The following KCNB2 variants were observed in gnomAD, a reference collection of about 807,000 sequenced individuals.
KCNB2 encodes potassium voltage-gated channel subfamily B member 2, also known as delayed rectifier potassium channel protein.
Under a neutral mutation model 61.5 loss-of-function variants are expected in KCNB2, and 15 were observed. That is an observed-to-expected ratio of 0.24 (90% CI 0.16 to 0.38). KCNB2 has a LOEUF of 0.38. KCNB2 is among the 10% of genes least tolerant of loss of function. The pLI is 1.00. For synonymous variants in KCNB2, 457 were observed against 446.0 expected (o/e 1.02, Z -0.31); for missense variants, 828 against 1,125.2 (o/e 0.74, Z 3.78).
chr8:72,884,578 A>G (rs1344584090), intron 2 of KCNB2, among the ~76,000 whole-genome samples: 1 of 152,178 alleles, frequency 6.6e-6, no homozygotes, highest in African/African-American at 2.4e-5. Context: ...AAAAGTTTTC[A>G]AATTTCACTT....
chr8:72,573,925 T>C (rs1806756663), intron 2 of KCNB2, among the ~76,000 whole-genome samples: 1 of 152,238 alleles, frequency 6.6e-6, no homozygotes, highest in African/African-American at 2.4e-5. Flanking sequence ...CCTCTCTGCA[T>C]CCCATCTATA....
chr8:72,730,267 C>T (rs1490819636), intron 2 of KCNB2, among the ~76,000 whole-genome samples: 3 of 152,142 alleles, frequency 2.0e-5, no homozygotes, highest in Non-Finnish European at 2.9e-5. Flanking sequence ...TCTCCCCTTG[C>T]GACTTTTCTT....
intron 2 of KCNB2, among the ~76,000 whole-genome samples, chr8:72,784,117 T>C (rs2128998159): frequency 6.6e-6 from 1 of 152,298 alleles, no homozygotes; most frequent in African/African-American, 2.4e-5. Flanking sequence ...AATGGGATGA[T>C]TGGATATATT....
Position 72,589,660 on chromosome 8 carries a change from G to A in KCNB2, c.579+21347G>A, listed in dbSNP as rs115515130. Among the ~76,000 whole-genome samples the A allele has an allele frequency of 4.6e-3, 705 of 152,292 alleles. 1 individual carries two copies. The highest frequency in any genetic ancestry group is 0.016 in the African/African-American group (676 of 41,566). ...TTCTGTTGACATATTTTTAAACTGA[G>A]TTTTAGTAAACACTGAATTTTTCAG... On this transcript the variant is annotated intron_variant, in intron 2 of 2. Coordinates refer to ENST00000523207, the MANE Select transcript of KCNB2 (RefSeq NM_004770.3).
At chr8:72,850,232 T>C in intron 2 of KCNB2, among the ~76,000 whole-genome samples, 1 of 101,718 alleles carries the variant, frequency 9.8e-6, no homozygotes, top group South Asian at 3.5e-4. Context: ...TGTGTGTGTG[T>C]GTGTGTAAAT....
chr8:72,702,257 G>A (rs147353391), intron 2 of KCNB2, among the ~76,000 whole-genome samples: 1 of 152,130 alleles, frequency 6.6e-6, no homozygotes, highest in East Asian at 1.9e-4. Flanking sequence ...GCTCAGCATT[G>A]CTCTCATTTC....
intron 2 of KCNB2, among the ~76,000 whole-genome samples, chr8:72,871,413 T>A (rs1338046690): frequency 1.3e-5 from 2 of 152,142 alleles, no homozygotes; most frequent in African/African-American, 4.8e-5. Flanking sequence ...TATAAAGACA[T>A]CCCTAGAAAA....
intron 2 of KCNB2, among the ~76,000 whole-genome samples, chr8:72,846,217 G>A (rs909588010): frequency 6.6e-6 from 1 of 152,092 alleles, no homozygotes; most frequent in African/African-American, 2.4e-5. Context: ...TCCACCCCTT[G>A]TGCTTCCCAG....
At chr8:72,657,142 C>G (rs1379309148) in intron 2 of KCNB2, among the ~76,000 whole-genome samples, 2 of 152,116 alleles carry the variant, frequency 1.3e-5, no homozygotes, top group Non-Finnish European at 2.9e-5. Flanking sequence ...GTGCAAACTA[C>G]ACAGATTGAA....
chr8:72,627,713 C>T (rs955806505), intron 2 of KCNB2, among the ~76,000 whole-genome samples: 4 of 152,174 alleles, frequency 2.6e-5, no homozygotes, highest in African/African-American at 9.7e-5. Context: ...CCGCACCCAT[C>T]CACATCTGGT....
chr8:72,617,219 T>C (rs1426975112), intron 2 of KCNB2, among the ~76,000 whole-genome samples: 1 of 152,144 alleles, frequency 6.6e-6, no homozygotes, highest in East Asian at 1.9e-4. Context: ...TGTATACTAA[T>C]GTTGCCCCAA....
At chr8:72,652,237 G>A (rs189749743) in intron 2 of KCNB2, among the ~76,000 whole-genome samples, 118 of 152,196 alleles carry the variant, frequency 7.8e-4, no homozygotes, top group African/African-American at 2.7e-3. Flanking sequence ...CCCATCTGCT[G>A]AAAAGTTATT....
chr8:72,664,837 G>A (rs901570710), intron 2 of KCNB2, among the ~76,000 whole-genome samples: 1 of 152,154 alleles, frequency 6.6e-6, no homozygotes, highest in Non-Finnish European at 1.5e-5. Context: ...GAATCATTAG[G>A]GATTGTAAGT....
At position 72,703,136 on chromosome 8, in the gene KCNB2, C is replaced by T. The variant is rs146743752; in HGVS notation, c.579+134823C>T. On this transcript the variant is annotated intron_variant, in intron 2 of 2. Coordinates refer to ENST00000523207, the MANE Select transcript of KCNB2 (RefSeq NM_004770.3). ...ACATCAGCGTATAGAAATTAAAGGC[C>T]TTTTCTTTTCCTAGCTATGCCATTT... 2.1e-3 allele frequency among the ~76,000 whole-genome samples: 321 copies of T among 152,238 alleles called. 3 individuals are homozygous for T. Among genetic ancestry groups the T allele is most frequent in the African/African-American group, 7.3e-3 (302 of 41,552 alleles).
intron 2 of KCNB2, among the ~76,000 whole-genome samples, chr8:72,738,778 T>A (rs750953996): frequency 2.0e-5 from 3 of 152,152 alleles, no homozygotes; most frequent in African/African-American, 7.2e-5. Flanking sequence ...AGGGTCAAGT[T>A]TGAGCATCCC....
intron 2 of KCNB2, among the ~76,000 whole-genome samples, chr8:72,859,707 G>T (rs13258406): frequency 0.79 from 32,903 of 41,760 alleles, 12,780 homozygotes; most frequent in Middle Eastern, 0.92. Context: ...ACTTCATTTC[G>T]TTTTTTTTTT....
intron 2 of KCNB2, among the ~76,000 whole-genome samples, chr8:72,733,477 GTC>G (rs1807784750): frequency 6.6e-6 from 1 of 152,130 alleles, no homozygotes; most frequent in African/African-American, 2.4e-5. Context: ...TGGGTTCAGA[GTC>G]TACTCTACCA....
In KCNB2 at chr8:72,629,497, T is replaced by C. The variant is rs547506380; in HGVS notation, c.579+61184T>C. Among the ~76,000 whole-genome samples, 30 of 152,350 alleles carry C rather than the reference T, an allele frequency of 2.0e-4. 1 individual carries two copies. In the South Asian group the frequency reaches 5.8e-3, roughly 29 times the overall value. ...ACCTATAACCCAACAGTCAGCCTTATTGGTCTGGCCTGAGTCTTTTGCCAG... is the reference window on the plus strand; with the variant it reads ...ACCTATAACCCAACAGTCAGCCTTACTGGTCTGGCCTGAGTCTTTTGCCAG... On this transcript the variant is annotated intron_variant, in intron 2 of 2. Transcript: ENST00000523207.
intron 2 of KCNB2, among the ~76,000 whole-genome samples, chr8:72,637,861 A>G (rs1184588533): frequency 1.3e-5 from 2 of 152,166 alleles, no homozygotes; most frequent in African/African-American, 4.8e-5. Flanking sequence ...AAGACCAGAC[A>G]GGAAGGTAGT....
Sources: allele counts gnomAD v4.1 joint callset (sites outside exome capture counted in the v4.1 genomes callset), GRCh38; gene constraint gnomAD v4.1.1; transcripts MANE v1.5; gene names NCBI Gene and HGNC (gene_info 2026-07-23, HGNC 2026-07-21).